LRP1B: variants seen among roughly 807,000 people sequenced by gnomAD.
LRP1B encodes LDL receptor related protein 1B.
A neutral mutation model predicts 556.6 loss-of-function variants in LRP1B; 217 were observed. The observed-to-expected ratio is 0.39, with a 90% confidence interval of 0.35 to 0.44. LRP1B has a LOEUF of 0.44. LRP1B is among the 20% of genes least tolerant of loss of function. The pLI is 1.00. For missense variants in LRP1B, 5,053 were observed against 5,620.8 expected (o/e 0.90, Z 3.23); for synonymous variants, 2,047 against 1,865.8 (o/e 1.10, Z -2.50).
chr2:141,247,107 A>G (rs1475041618), intron 5 of LRP1B, 119 bp downstream of exon 5: 1 of 1,143,204 alleles, frequency 8.7e-7, no homozygotes, highest in Non-Finnish European at 1.3e-6. Context: ...TATTAAAATG[A>G]AAGCAAATCT....
At chr2:141,840,487 G>T (rs1697431527) in intron 1 of LRP1B, among the ~76,000 whole-genome samples, 1 of 151,792 alleles carries the variant, frequency 6.6e-6, no homozygotes, top group Non-Finnish European at 1.5e-5. Flanking sequence ...TCTGTCTCCT[G>T]ACCTCGTGAT....
chr2:141,991,545 G>A (rs949141117), intron 1 of LRP1B, among the ~76,000 whole-genome samples: 4 of 151,878 alleles, frequency 2.6e-5, no homozygotes, highest in African/African-American at 9.7e-5. Context: ...ACATATATAA[G>A]TAACTATTTT....
intron 5 of LRP1B, among the ~76,000 whole-genome samples, chr2:141,241,953 C>A (rs577629518): frequency 1.6e-3 from 246 of 150,602 alleles, no homozygotes; most frequent in African/African-American, 5.7e-3. Flanking sequence ...AAAAAAAAAA[C>A]CCTAAATGGT....
intron 41 of LRP1B, among the ~76,000 whole-genome samples, chr2:140,631,945 G>C (rs1683902000): frequency 6.6e-6 from 1 of 152,072 alleles, no homozygotes; most frequent in African/African-American, 2.4e-5. Flanking sequence ...AAGGATAAAA[G>C]TTACACCAGA....
intron 7 of LRP1B, among the ~76,000 whole-genome samples, chr2:141,114,464 G>T (rs1400887009): frequency 6.6e-6 from 1 of 152,110 alleles, no homozygotes; most frequent in Non-Finnish European, 1.5e-5. Flanking sequence ...GATGGAGTGT[G>T]AAGACGATCT....
chr2:141,478,332 G>A (rs1297183033), intron 3 of LRP1B, among the ~76,000 whole-genome samples: 1 of 152,084 alleles, frequency 6.6e-6, no homozygotes, highest in East Asian at 1.9e-4. Context: ...AAAGGTGATG[G>A]TTTTGTTCTT....
intron 7 of LRP1B, among the ~76,000 whole-genome samples, chr2:141,117,470 GA>G (rs1352573001): frequency 2.6e-5 from 4 of 151,696 alleles, no homozygotes; most frequent in Non-Finnish European, 4.4e-5. Context: ...TGGAGAAAAT[GA>G]AAAATAAGAA....
intron 41 of LRP1B, among the ~76,000 whole-genome samples, chr2:140,684,584 A>G: frequency 6.6e-6 from 1 of 152,196 alleles, no homozygotes; most frequent in East Asian, 1.9e-4. Context: ...ATATTCATAG[A>G]TTACAGATAC....
chr2:142,001,711 T>C (rs183169400), intron 1 of LRP1B, among the ~76,000 whole-genome samples: 13 of 152,316 alleles, frequency 8.5e-5, no homozygotes, highest in Admixed American at 2.6e-4. Context: ...AAATATGCAT[T>C]GGTTTCCTAT....
intron 3 of LRP1B, among the ~76,000 whole-genome samples, chr2:141,413,683 A>G (rs1690945439): frequency 6.6e-6 from 1 of 151,160 alleles, no homozygotes; most frequent in Non-Finnish European, 1.5e-5. Context: ...AGGGAGAGGC[A>G]GGCAAACTCC....
chr2:141,779,723 T>C (rs2105635874), intron 2 of LRP1B, among the ~76,000 whole-genome samples: 1 of 152,244 alleles, frequency 6.6e-6, no homozygotes, highest in African/African-American at 2.4e-5. Flanking sequence ...TTCTAGGTAT[T>C]GTTTCCATTG....
intron 3 of LRP1B, among the ~76,000 whole-genome samples, chr2:141,355,037 T>C (rs1484903543): frequency 2.0e-5 from 3 of 152,070 alleles, no homozygotes; most frequent in East Asian, 1.9e-4. Flanking sequence ...ACCAGTCCCA[T>C]TGGAGACTTA....
intron 7 of LRP1B, among the ~76,000 whole-genome samples, chr2:141,070,056 T>C (rs1362105220): frequency 6.7e-6 from 1 of 149,856 alleles, no homozygotes; most frequent in African/African-American, 2.4e-5. Context: ...ATGCGGTGTT[T>C]GGTTTTTTGT....
intron 18 of LRP1B, among the ~76,000 whole-genome samples, chr2:140,954,497 A>T (rs916279168): frequency 2.6e-5 from 4 of 152,110 alleles, no homozygotes; most frequent in African/African-American, 9.7e-5. Context: ...AGAAAAAAAT[A>T]AATCATCCTA....
intron 1 of LRP1B, among the ~76,000 whole-genome samples, chr2:141,892,403 T>A (rs959999646): frequency 3.9e-5 from 6 of 151,904 alleles, no homozygotes; most frequent in African/African-American, 1.2e-4. Context: ...GAAATTTTTT[T>A]AAAAAAACAT....
rs2105115431 is a variant in LRP1B, at chr2:140,350,805, C to T, written c.11884G>A (p.Gly3962Ser). The T allele has an allele frequency of 1.2e-5, 20 of 1,608,944 alleles. No homozygotes were observed. The highest frequency in any genetic ancestry group is 1.7e-5 in the Non-Finnish European group (20 of 1,177,592). ...HGREKRQANS[G>S]LICPEFKRPR... Reference sequence around the variant, plus strand: ...CAATGGTATTTACTTACAATCAAGCCACTGTTTGCTTGCCTTTTTTCTCTG... The same window carrying T: ...CAATGGTATTTACTTACAATCAAGCTACTGTTTGCTTGCCTTTTTTCTCTG... The change falls in exon 77 of 91, where the codon GGC becomes AGC. Residue 3962 changes from glycine (G) to serine (S), a missense_variant. Physicochemically the swap from Gly to Ser is moderately conservative, Grantham distance 56 (BLOSUM62 0). Coordinates refer to ENST00000389484, the MANE Select transcript of LRP1B (RefSeq NM_018557.3).
chr2:140,871,873 C>CA (rs1693140210), intron 25 of LRP1B, among the ~76,000 whole-genome samples: 1 of 151,936 alleles, frequency 6.6e-6, no homozygotes. Context: ...GAAATAGCAG[C>CA]AATTTATCCT....
intron 2 of LRP1B, among the ~76,000 whole-genome samples, chr2:141,773,980 G>A (rs1487252041): frequency 1.3e-5 from 2 of 152,158 alleles, no homozygotes; most frequent in Non-Finnish European, 2.9e-5. Flanking sequence ...TCTCAAAAAT[G>A]TACCAGAAAC....
chr2:140,324,241 G>GGATATGCAATATAGTAAACATGTTAC (rs1486345442), intron 80 of LRP1B, among the ~76,000 whole-genome samples, 175 bp from the exon 81 acceptor site: 1 of 151,970 alleles, frequency 6.6e-6, no homozygotes, highest in African/African-American at 2.4e-5. Flanking sequence ...TCTGAAGTAA[G>GGATATGCAATATAGTAAACATGTTAC]GATATGCAAT....
Sources: gnomAD v4.1 joint callset for allele counts (sites outside exome capture counted in the v4.1 genomes callset) on GRCh38, gnomAD v4.1.1 for gene constraint, MANE v1.5 for transcripts, NCBI Gene and HGNC (gene_info 2026-07-23, HGNC 2026-07-21) for gene names.